The following BRD9 variants were observed in gnomAD, a reference collection of about 807,000 sequenced individuals.
BRD9 encodes bromodomain containing 9.
In BRD9, 47 loss-of-function variants were observed where a neutral mutation model predicts 68.7. The ratio of observed to expected loss-of-function variants is 0.68; its 90% CI spans 0.54 to 0.87. The LOEUF (loss-of-function observed/expected upper bound fraction) is 0.87, where lower values mean the gene tolerates loss of function less well. Ranked by LOEUF, BRD9 falls within the 40% of genes least tolerant of loss-of-function variation. The probability of loss-of-function intolerance (pLI) is 0.00; values close to 1 mark genes in which losing one functional copy is unlikely to be tolerated. For missense variants in BRD9, 670 were observed against 748.4 expected, an observed-to-expected ratio of 0.90 and a Z score of 1.22; for synonymous variants, 313 against 293.9, an observed-to-expected ratio of 1.06 and a Z score of -0.67.
intron 5 of BRD9, 45 bp downstream of exon 5, chr5:888,976 C>T (rs72703152): frequency 0.045 from 70,292 of 1,578,630 alleles, 1,757 homozygotes; most frequent in Non-Finnish European, 0.049. Flanking sequence ...GACATGAATA[C>T]ACAGAACTAT....
chr5:878,671 T>A, intron 10 of BRD9, 184 bp from the exon 11 acceptor site: 1 of 728,814 alleles, frequency 1.4e-6, no homozygotes, highest in Non-Finnish European at 2.2e-6. Flanking sequence ...GGGGTGTAAT[T>A]CACCACCCCT....
intron 12 of BRD9, 135 bp from the exon 13 acceptor site, chr5:871,699 A>C: frequency 2.4e-6 from 2 of 830,180 alleles, no homozygotes; most frequent in Non-Finnish European, 4.1e-6. Flanking sequence ...CACCATCTTA[A>C]TGGATTAAGG....
chr5:892,595 C>T lies in BRD9; in HGVS notation c.52+11G>A. 1.3e-6 allele frequency: 2 copies of T among 1,535,146 alleles called. No homozygotes were observed. The highest frequency in any genetic ancestry group is 1.2e-5 in the South Asian group (1 of 83,416). On this transcript the variant is annotated intron_variant, in intron 1 of 15. Coordinates refer to ENST00000467963, the MANE Select transcript of BRD9 (RefSeq NM_023924.5). ...CCGCCCGCCGCGCGTCACAAAGCGCCGCCGCCTCACCCTCGTAGGACGAGC... is the reference window on the plus strand; with the variant it reads ...CCGCCCGCCGCGCGTCACAAAGCGCTGCCGCCTCACCCTCGTAGGACGAGC...
intron 12 of BRD9, among the ~76,000 whole-genome samples, chr5:872,243 A>G (rs2150565986): frequency 6.6e-6 from 1 of 152,360 alleles, no homozygotes; most frequent in African/African-American, 2.4e-5. Context: ...TCTCAGATTC[A>G]ATGACATCGA....
At chr5:890,172 G>C (rs781035557) in intron 3 of BRD9, 5 of 170,844 alleles carry the variant, frequency 2.9e-5, no homozygotes, top group Non-Finnish European at 5.1e-5. Context: ...CAGCCTAGGC[G>C]ACACAGCAAG....
At chr5:885,420 G>A (rs1752409044) in intron 7 of BRD9, among the ~76,000 whole-genome samples, 1 of 152,204 alleles carries the variant, frequency 6.6e-6, no homozygotes, top group Admixed American at 6.5e-5. Flanking sequence ...GCCCAGCACC[G>A]CTGCCGCCCC....
At position 865,395 on chromosome 5, in the gene BRD9, G is replaced by A. The variant is rs375936719; in HGVS notation, c.1693+19C>T. On this transcript the variant is annotated intron_variant, in intron 15 of 15. Coordinates refer to ENST00000467963, the MANE Select transcript of BRD9 (RefSeq NM_023924.5). ...GTGCTGGGGTCTCTGGGGATGCGGC[G>A]TGGGTGGGGGCATCTCACCCAGGTG... is the stretch of plus-strand genomic sequence containing the variant. The A allele has an allele frequency of 8.7e-5, 136 of 1,554,910 alleles. No individual in the cohort carries two copies. The African/African-American group carries it at 1.5e-3, about 17-fold the overall frequency.
At chr5:883,481 T>G (rs1219350358) in intron 8 of BRD9, 12 of 455,726 alleles carry the variant, frequency 2.6e-5, no homozygotes, top group Non-Finnish European at 5.3e-5. Context: ...GTCAGCTGAG[T>G]GGGCCCCACC....
chr5:867,405 G>A (rs891889112), intron 14 of BRD9, among the ~76,000 whole-genome samples: 2 of 152,228 alleles, frequency 1.3e-5, no homozygotes, highest in African/African-American at 4.8e-5. Flanking sequence ...GCCTAGTGGA[G>A]CTGTGAGAAA....
intron 14 of BRD9, among the ~76,000 whole-genome samples, chr5:867,275 T>C (rs1484849496): frequency 2.0e-5 from 3 of 152,092 alleles, no homozygotes; most frequent in Non-Finnish European, 2.9e-5. Context: ...AAAGCCAGGG[T>C]GTCCAGGCAG....
At chr5:883,659 G>T in intron 8 of BRD9, 1 of 521,770 alleles carries the variant, frequency 1.9e-6, no homozygotes, top group Non-Finnish European at 3.5e-6. Flanking sequence ...CAAGAGAAAG[G>T]ATTAGCCTGC....
chr5:884,244 G>A (rs10063157), intron 7 of BRD9, among the ~76,000 whole-genome samples, 174 bp from the exon 8 acceptor site: 11,403 of 152,172 alleles, frequency 0.075, 612 homozygotes, highest in African/African-American at 0.15. Context: ...CTAACCAAAT[G>A]ACAAATTAAG....
rs537178495 is a variant in BRD9 at position 887,099 on chromosome 5, G to A, written c.717+262C>T. On this transcript the variant is annotated intron_variant, in intron 6 of 15. Coordinates refer to ENST00000467963, the MANE Select transcript of BRD9 (RefSeq NM_023924.5). ...GCAAAACAAGCCCGCAATGCTGGCTGCCATCCAGCAAGACTGACACCTGAC... is the reference window on the plus strand; with the variant it reads ...GCAAAACAAGCCCGCAATGCTGGCTACCATCCAGCAAGACTGACACCTGAC... Among the ~76,000 whole-genome samples the A allele has an allele frequency of 3.3e-5, 5 of 152,368 alleles. No individual in the cohort carries two copies. In the East Asian group the frequency reaches 7.7e-4, roughly 24 times the overall value.
rs753071813 is a variant in BRD9, at chr5:864,433, AAAAAT to A, written c.*30_*34del. 2.6e-5 allele frequency: 40 copies of A among 1,519,132 alleles called. No individual in the cohort carries two copies. Among genetic ancestry groups the A allele is most frequent in the Non-Finnish European group, 3.2e-5 (36 of 1,116,558 alleles). 94.1% of individuals were successfully genotyped at this position (1,519,132 alleles called of 1,614,324 possible). A position where few individuals can be genotyped will look rare whatever the true frequency, so the allele number is the denominator to read the frequency against. ...CTCTACACGTGCAAAATAAAACTAA[AAAAAT>A]AAAATAAAAGAGCTGAAGGTGGTCT... On this transcript the variant is annotated 3_prime_UTR_variant, in exon 16 of 16. Coordinates refer to ENST00000467963, the MANE Select transcript of BRD9 (RefSeq NM_023924.5).
rs1752254726 is a variant in BRD9, at chr5:884,414, G to A, written c.834-344C>T. On this transcript the variant is annotated intron_variant, in intron 7 of 15. Coordinates refer to ENST00000467963, the MANE Select transcript of BRD9 (RefSeq NM_023924.5). ...TAAAGGCCCCATCAGAAAAGTGACT[G>A]GAAAAGCCACCCCTGACTACGCAGG... Among the ~76,000 whole-genome samples the A allele has an allele frequency of 3.9e-5, 6 of 152,244 alleles. No homozygotes were observed. In the South Asian group the frequency reaches 1.2e-3, roughly 31 times the overall value.
At chr5:889,380 G>A (rs1388321738) in intron 4 of BRD9, among the ~76,000 whole-genome samples, 1 of 152,086 alleles carries the variant, frequency 6.6e-6, no homozygotes, top group African/African-American at 2.4e-5. Context: ...CTCTAGCCTT[G>A]ACTTCCCTCA....
chr5:890,368 C>A (rs907844640), intron 3 of BRD9, among the ~76,000 whole-genome samples: 2 of 152,132 alleles, frequency 1.3e-5, no homozygotes, highest in Admixed American at 6.5e-5. Context: ...TGTCCCAAAG[C>A]CCAGCCGTCT....
chr5:873,946 T>A (rs1383025100), intron 12 of BRD9, among the ~76,000 whole-genome samples: 1 of 152,184 alleles, frequency 6.6e-6, no homozygotes, highest in Non-Finnish European at 1.5e-5. Flanking sequence ...AACCCTAGAA[T>A]AAGGCTGCCC....
At chr5:883,101 C>T (rs529766850) in intron 8 of BRD9, 19 of 360,160 alleles carry the variant, frequency 5.3e-5, no homozygotes, top group Middle Eastern at 9.8e-4. Context: ...ACGTGAGCCA[C>T]GCAGACCGCA....
Sources: allele counts gnomAD v4.1 joint callset (sites outside exome capture counted in the v4.1 genomes callset), GRCh38; gene constraint gnomAD v4.1.1; transcripts MANE v1.5; gene names NCBI Gene and HGNC (gene_info 2026-07-23, HGNC 2026-07-21).